The following STK35 variants were observed in gnomAD, a reference collection of about 807,000 sequenced individuals.
The protein encoded by STK35 is serine/threonine kinase 35, also known as serine/threonine-protein kinase 35.
Under a neutral mutation model 37.3 loss-of-function variants are expected in STK35, and 17 were observed. That is an observed-to-expected ratio of 0.46 (90% CI 0.31 to 0.68). The LOEUF (loss-of-function observed/expected upper bound fraction) is 0.68. Among genes scored for constraint, STK35 ranks in the 30% least tolerant of loss-of-function variants. STK35 has a pLI of 0.05. For synonymous variants in STK35, 385 were observed against 319.1 expected (o/e 1.21, Z -2.20); for missense variants, 595 against 746.7 (o/e 0.80, Z 2.37).
At chr20:2,127,208 C>G (rs1167361429) in intron 3 of STK35, among the ~76,000 whole-genome samples, 1 of 151,670 alleles carries the variant, frequency 6.6e-6, no homozygotes, top group Non-Finnish European at 1.5e-5. Context: ...GCATTTACTT[C>G]CATCTTTGTG....
At position 2,145,921 on chromosome 20, in the gene STK35, T is replaced by C. The variant is rs2153742; in HGVS notation, c.*2175T>C. 95,876 of 151,878 alleles carry C rather than the reference T, an allele frequency of 0.63. 32,621 individuals carry two copies. Among genetic ancestry groups the C allele is most frequent in the East Asian group, 0.94 (4,837 of 5,152 alleles). The allele number at this position is 151,878 out of a possible 1,614,324, so 9.4% of individuals were successfully genotyped here. ...CTAATGAGCCCCTTATTTTCTTTTT[T>C]TTCCCTCCCCAGGTCTAGTAGCTCT... On this transcript the variant is annotated 3_prime_UTR_variant, in exon 4 of 4. Coordinates refer to ENST00000381482, the MANE Select transcript of STK35 (RefSeq NM_080836.4).
intron 2 of STK35, among the ~76,000 whole-genome samples, chr20:2,109,110 G>A (rs927456988): frequency 6.6e-5 from 10 of 152,184 alleles, no homozygotes; most frequent in South Asian, 2.1e-4. Flanking sequence ...TCATTCCACC[G>A]TGAGTGCCCA....
intron 2 of STK35, among the ~76,000 whole-genome samples, chr20:2,111,854 C>T (rs1204934773): frequency 6.6e-6 from 1 of 152,204 alleles, no homozygotes; most frequent in Non-Finnish European, 1.5e-5. Context: ...CGCACACCCA[C>T]CTGCTCCTGT....
chr20:2,131,662 T>C (rs1306230921), intron 3 of STK35, among the ~76,000 whole-genome samples: 1 of 152,158 alleles, frequency 6.6e-6, no homozygotes. Flanking sequence ...TTACTGTAAC[T>C]TTTTTGCTTT....
In STK35 at chr20:2,148,427, A is replaced by T. The variant is rs888636546; in HGVS notation, c.*4681A>T. On this transcript the variant is annotated 3_prime_UTR_variant, in exon 4 of 4. Coordinates refer to ENST00000381482, the MANE Select transcript of STK35 (RefSeq NM_080836.4). Reference sequence around the variant, plus strand: ...TTTACTTGGGTTGGTATGATACATTATATTTAAGTTCCTTGAACACTGTGG... The same window carrying T: ...TTTACTTGGGTTGGTATGATACATTTTATTTAAGTTCCTTGAACACTGTGG... 1.3e-5 allele frequency: 2 copies of T among 152,652 alleles called. No homozygotes were observed. The highest frequency in any genetic ancestry group is 2.9e-5 in the Non-Finnish European group (2 of 68,048). 9.5% of individuals were successfully genotyped at this position (152,652 alleles called of 1,614,324 possible).
rs538297258 is a variant in STK35, at chr20:2,108,283, C to T, written c.892+4918C>T. 2.8e-4 allele frequency among the ~76,000 whole-genome samples: 43 copies of T among 152,276 alleles called. No individual in the cohort carries two copies. The East Asian group carries it at 7.5e-3, about 27-fold the overall frequency. On this transcript the variant is annotated intron_variant, in intron 2 of 3. Transcript: ENST00000381482. Reference sequence around the variant, plus strand: ...CAACACTTTGGGAGGCCGAGGTGGACGGATCACCTCAGGTCAGGAGGTGGA... The same window carrying T: ...CAACACTTTGGGAGGCCGAGGTGGATGGATCACCTCAGGTCAGGAGGTGGA...
At chr20:2,134,414 GC>G (rs1450834993) in intron 3 of STK35, among the ~76,000 whole-genome samples, 5 of 152,078 alleles carry the variant, frequency 3.3e-5, no homozygotes, top group African/African-American at 1.2e-4. Context: ...ATTTCCCTCA[GC>G]CCCAGCCACA....
chr20:2,102,297 A>T (rs1985408365), intron 1 of STK35, 122 bp downstream of exon 1: 1 of 1,288,720 alleles, frequency 7.8e-7, no homozygotes, highest in Non-Finnish European at 1.0e-6. Flanking sequence ...CGAACTTTTC[A>T]GCCAATCCCT....
chr20:2,125,329 G>C (rs111402250), intron 3 of STK35, among the ~76,000 whole-genome samples: 4 of 152,102 alleles, frequency 2.6e-5, no homozygotes, highest in African/African-American at 7.2e-5. Context: ...TTTTTATTCC[G>C]AGCCCTGAAT....
At chr20:2,107,597 T>G (rs766029249) in intron 2 of STK35, among the ~76,000 whole-genome samples, 2 of 152,094 alleles carry the variant, frequency 1.3e-5, no homozygotes, top group South Asian at 2.1e-4. Flanking sequence ...TCTGGGAGTT[T>G]AGTTAGGGGC....
In STK35 at chr20:2,121,068, G is replaced by A. The variant is rs1049097520; in HGVS notation, c.*37+3653G>A. Among the ~76,000 whole-genome samples, 9 of 152,184 alleles carry A rather than the reference G, an allele frequency of 5.9e-5. No homozygotes were observed. In the South Asian group the frequency reaches 1.9e-3, roughly 32 times the overall value. On this transcript the variant is annotated intron_variant, in intron 3 of 3. Coordinates refer to ENST00000381482, the MANE Select transcript of STK35 (RefSeq NM_080836.4). ...AATGGCCACTGTGAAGGTCCTGAAAGTTGGCCAGAGTGAGCAAGGAGTGTA... is the reference window on the plus strand; with the variant it reads ...AATGGCCACTGTGAAGGTCCTGAAAATTGGCCAGAGTGAGCAAGGAGTGTA...
At chr20:2,107,489 A>G (rs1985538528) in intron 2 of STK35, among the ~76,000 whole-genome samples, 1 of 152,250 alleles carries the variant, frequency 6.6e-6, no homozygotes, top group Non-Finnish European at 1.5e-5. Flanking sequence ...ATAAGAGGCC[A>G]TGCAGAGTTT....
intron 3 of STK35, among the ~76,000 whole-genome samples, chr20:2,121,516 G>C (rs1985816207): frequency 6.6e-6 from 1 of 152,194 alleles, no homozygotes; most frequent in South Asian, 2.1e-4. Flanking sequence ...TTAGGTTTTA[G>C]TTATCTGAAA....
At chr20:2,105,614 T>C (rs1475457981) in intron 2 of STK35, among the ~76,000 whole-genome samples, 1 of 152,218 alleles carries the variant, frequency 6.6e-6, no homozygotes, top group Non-Finnish European at 1.5e-5. Flanking sequence ...TATTGTAAGA[T>C]AGTGGGTATG....
intron 3 of STK35, among the ~76,000 whole-genome samples, chr20:2,127,734 C>T (rs1359700671): frequency 6.6e-6 from 1 of 152,148 alleles, no homozygotes; most frequent in Non-Finnish European, 1.5e-5. Flanking sequence ...ATAGCTCCTT[C>T]CTGCTGCTCT....
chr20:2,144,183 C>T lies in STK35; in HGVS notation c.*437C>T. ...CTTCTTTATACTTTTCTCAGTTCTA[C>T]TTATGACACCTCACTTCCCTAGAGA... On this transcript the variant is annotated 3_prime_UTR_variant, in exon 4 of 4. Coordinates refer to ENST00000381482, the MANE Select transcript of STK35 (RefSeq NM_080836.4). 1 of 287,856 alleles carries T rather than the reference C, an allele frequency of 3.5e-6. No individual in the cohort carries two copies. Among genetic ancestry groups the T allele is most frequent in the Non-Finnish European group, 6.6e-6 (1 of 150,406 alleles). 17.8% of individuals were successfully genotyped at this position (287,856 alleles called of 1,614,324 possible).
intron 3 of STK35, among the ~76,000 whole-genome samples, chr20:2,126,950 T>C (rs940895314): frequency 5.3e-5 from 8 of 152,184 alleles, no homozygotes; most frequent in Non-Finnish European, 1.0e-4. Flanking sequence ...AGGCACTCCA[T>C]AGGCCATAGT....
intron 3 of STK35, among the ~76,000 whole-genome samples, chr20:2,141,695 T>C (rs939403255): frequency 3.3e-5 from 5 of 152,234 alleles, no homozygotes; most frequent in Non-Finnish European, 7.3e-5. Flanking sequence ...TGTCAGATTT[T>C]CCTACACTGA....
chr20:2,128,512 C>T (rs953060906), intron 3 of STK35, among the ~76,000 whole-genome samples: 2 of 152,132 alleles, frequency 1.3e-5, no homozygotes, highest in Non-Finnish European at 2.9e-5. Context: ...GTTCTGGGAC[C>T]CTGGGACAAC....
Sources: allele counts gnomAD v4.1 joint callset (sites outside exome capture counted in the v4.1 genomes callset), GRCh38; gene constraint gnomAD v4.1.1; transcripts MANE v1.5; gene names NCBI Gene and HGNC (gene_info 2026-07-23, HGNC 2026-07-21).